PCNX2: variants seen among roughly 807,000 people sequenced by gnomAD.
PCNX2 encodes the protein pecanex-like protein 2.
PCNX2 carries 168 observed loss-of-function variants against 223.8 expected under a neutral mutation model. That is an observed-to-expected ratio of 0.75 (90% CI 0.66 to 0.85). The LOEUF is 0.85. Ranked by LOEUF, PCNX2 falls within the 40% of genes least tolerant of loss-of-function variation. PCNX2 has a pLI of 0.00. For missense variants in PCNX2, 2,507 were observed against 2,675.5 expected, an observed-to-expected ratio of 0.94 and a Z score of 1.39; for synonymous variants, 1,006 against 1,052.6, an observed-to-expected ratio of 0.96 and a Z score of 0.86.
At chr1:233,207,288 G>C (rs1350492904) in intron 13 of PCNX2, among the ~76,000 whole-genome samples, 1 of 152,124 alleles carries the variant, frequency 6.6e-6, no homozygotes, top group Non-Finnish European at 1.5e-5. Context: ...ATTCAAGGGG[G>C]CTGTCACAGA....
At chr1:233,042,158 T>C (rs1671665953) in intron 25 of PCNX2, among the ~76,000 whole-genome samples, 1 of 152,184 alleles carries the variant, frequency 6.6e-6, no homozygotes, top group Non-Finnish European at 1.5e-5. Context: ...AACTTGTATA[T>C]TTCCCTACGC....
At chr1:233,227,124 G>T in intron 10 of PCNX2, 102 bp downstream of exon 10, 1 of 1,330,022 alleles carries the variant, frequency 7.5e-7, no homozygotes, top group African/African-American at 1.5e-5. Flanking sequence ...CGTACAACTT[G>T]AAAATGTGCA....
intron 1 of PCNX2, among the ~76,000 whole-genome samples, chr1:233,282,499 CTT>C (rs2103020815): frequency 6.6e-6 from 1 of 152,306 alleles, no homozygotes; most frequent in South Asian, 2.1e-4. Flanking sequence ...CAACTATCCT[CTT>C]TCATCCTTCA....
At chr1:232,997,109 T>C (rs1040548749) in intron 32 of PCNX2, among the ~76,000 whole-genome samples, 3 of 152,160 alleles carry the variant, frequency 2.0e-5, no homozygotes, top group Admixed American at 6.5e-5. Context: ...CCCGCCTTTT[T>C]CCCCTATTGC....
At chr1:233,123,843 A>T (rs1470122143) in intron 21 of PCNX2, among the ~76,000 whole-genome samples, 1 of 152,242 alleles carries the variant, frequency 6.6e-6, no homozygotes, top group Non-Finnish European at 1.5e-5. Flanking sequence ...TAGAAAATGT[A>T]TCATGGGCAT....
intron 23 of PCNX2, among the ~76,000 whole-genome samples, chr1:233,071,650 T>C (rs1475202933): frequency 1.3e-5 from 2 of 152,234 alleles, no homozygotes; most frequent in Non-Finnish European, 2.9e-5. Flanking sequence ...TATATTCCTT[T>C]GGGTATATAC....
intron 13 of PCNX2, among the ~76,000 whole-genome samples, chr1:233,207,008 C>CA (rs142370229): frequency 0.015 from 1,791 of 119,250 alleles, 21 homozygotes; most frequent in Non-Finnish European, 0.023. Context: ...GAGACTCCAA[C>CA]AAAAAAAAAA....
chr1:233,119,403 CAAAA>C (rs71173251), intron 21 of PCNX2, among the ~76,000 whole-genome samples: 282 of 38,602 alleles, frequency 7.3e-3, no homozygotes, highest in African/African-American at 0.03. Context: ...ACTAAAAATA[CAAAA>C]AAAAAAAAAA....
intron 7 of PCNX2, 128 bp from the exon 8 acceptor site, chr1:233,250,960 G>T: frequency 2.0e-6 from 2 of 985,288 alleles, no homozygotes; most frequent in Non-Finnish European, 2.8e-6. Flanking sequence ...TGACAATCGG[G>T]GTCCATTCTT....
chr1:233,002,717 A>G (rs1670130541), intron 28 of PCNX2, among the ~76,000 whole-genome samples: 1 of 152,222 alleles, frequency 6.6e-6, no homozygotes, highest in Non-Finnish European at 1.5e-5. Flanking sequence ...AGCAAAAAGA[A>G]CAAAGCTGGA....
chr1:233,082,208 G>A (rs535116729), intron 23 of PCNX2, among the ~76,000 whole-genome samples: 2 of 152,238 alleles, frequency 1.3e-5, no homozygotes, highest in African/African-American at 4.8e-5. Flanking sequence ...CAGAGTGAAT[G>A]TTAGGACTGG....
chr1:232,985,726 C>T, intron 33 of PCNX2: 2 of 515,360 alleles, frequency 3.9e-6, no homozygotes, highest in South Asian at 6.7e-5. Flanking sequence ...GTCCTTTCCT[C>T]TCCCTCAGGC....
In PCNX2 at chr1:233,000,336, T is replaced by C; in HGVS notation, c.5297A>G (p.His1766Arg). Reference sequence around the variant, plus strand: ...CACCTTGAAGCTCAGGAAGCTTCTGTGGAGCATGATGACCTTGTACTCGTC... The same window carrying C: ...CACCTTGAAGCTCAGGAAGCTTCTGCGGAGCATGATGACCTTGTACTCGTC... ...GADEYKVIML[H>R]RSFLSFKVIK... Residue 1766 changes from histidine to arginine, a missense_variant, in exon 30 of 34, where the codon CAC becomes CGC. Physicochemically the swap from His to Arg is conservative, Grantham distance 29. This residue lies in a region of PCNX2 where 1,372 missense variants were observed against 1,509.4 expected (regional missense o/e 0.91). Coordinates refer to ENST00000258229, the MANE Select transcript of PCNX2 (RefSeq NM_014801.4). This position sits in a 1 kb window ranked among gnomAD's most constrained non-coding sequence, Gnocchi z 4.6. 6.2e-7 allele frequency: 1 copy of C among 1,613,948 alleles called. No individual in the cohort carries two copies.
chr1:233,112,712 A>AC, intron 21 of PCNX2: 2 of 550,212 alleles, frequency 3.6e-6, no homozygotes, highest in South Asian at 6.5e-5. Context: ...TAGATCTTTG[A>AC]ACAATATAAC....
chr1:233,238,189 CAGA>C (rs1658534125), intron 8 of PCNX2, among the ~76,000 whole-genome samples: 1 of 152,182 alleles, frequency 6.6e-6, no homozygotes, highest in Non-Finnish European at 1.5e-5. Context: ...CATTTTATTA[CAGA>C]AGGTTACTTG....
At chr1:233,051,975 T>G (rs1672022239) in intron 25 of PCNX2, among the ~76,000 whole-genome samples, 1 of 152,196 alleles carries the variant, frequency 6.6e-6, no homozygotes, top group Admixed American at 6.5e-5. Context: ...CTGAAGACAC[T>G]TATTTCCACC....
At chr1:233,019,677 T>C (rs1455126517) in intron 26 of PCNX2, among the ~76,000 whole-genome samples, 1 of 151,900 alleles carries the variant, frequency 6.6e-6, no homozygotes, top group Non-Finnish European at 1.5e-5. Context: ...GTGGCAGCAG[T>C]AGCAGCAGCC....
chr1:233,111,009 T>C (rs1014832727), intron 21 of PCNX2, among the ~76,000 whole-genome samples: 25 of 152,170 alleles, frequency 1.6e-4, no homozygotes, highest in African/African-American at 6.0e-4. Context: ...AAAGAAGTAG[T>C]TCAAAGTGAC....
intron 21 of PCNX2, among the ~76,000 whole-genome samples, chr1:233,120,164 C>CAAAAAAAAAAAAAAAA (rs1228898502): frequency 3.5e-4 from 15 of 42,618 alleles, no homozygotes; most frequent in Non-Finnish European, 4.0e-4. Flanking sequence ...GACTCCATTT[C>CAAAAAAAAAAAAAAAA]AAAAAAAAAA....
Sources: gnomAD v4.1 joint callset for allele counts (sites outside exome capture counted in the v4.1 genomes callset) on GRCh38, gnomAD v4.1.1 for gene constraint, gnomAD v4.1.1 regional missense constraint, Gnocchi (gnomAD v3.1) non-coding constraint, MANE v1.5 for transcripts, NCBI Gene and HGNC (gene_info 2026-07-23, HGNC 2026-07-21) for gene names.